The following TNN variants were observed in gnomAD, a reference collection of about 807,000 sequenced individuals.
The protein encoded by TNN is tenascin-N.
A neutral mutation model predicts 134.4 loss-of-function variants in TNN; 122 were observed. That is an observed-to-expected ratio of 0.91 (90% CI 0.78 to 1.06). The LOEUF (loss-of-function observed/expected upper bound fraction) is 1.06, where lower values mean the gene tolerates loss of function less well. Among genes scored for constraint, TNN ranks in the 50% least tolerant of loss-of-function variants. The pLI, the probability that TNN is intolerant of heterozygous loss-of-function variation, is 0.00. For missense variants in TNN, 1,739 were observed against 1,699.4 expected (o/e 1.02, Z -0.41); for synonymous variants, 710 against 670.3 (o/e 1.06, Z -0.91).
Position 175,103,909 on chromosome 1 carries a change from C to T in TNN, c.2119+5314C>T, listed in dbSNP as rs548348658. Among the ~76,000 whole-genome samples, 266 of 145,190 alleles carry T rather than the reference C, an allele frequency of 1.8e-3. 27 individuals carry two copies. The highest frequency in any genetic ancestry group is 3.0e-3 in the Non-Finnish European group (200 of 65,650). On this transcript the variant is annotated intron_variant, in intron 9 of 18. Coordinates refer to ENST00000239462, the MANE Select transcript of TNN (RefSeq NM_022093.2). ...TGTTTTTTTGCATTACGTGACTGTGCGGGCATTTTTTTGCCCTTCTAAATT... is the reference window on the plus strand; with the variant it reads ...TGTTTTTTTGCATTACGTGACTGTGTGGGCATTTTTTTGCCCTTCTAAATT...
intron 1 of TNN, among the ~76,000 whole-genome samples, chr1:175,073,908 G>C (rs1375211348): frequency 1.3e-5 from 2 of 152,136 alleles, no homozygotes; most frequent in South Asian, 2.1e-4. Context: ...CCTGCTGAAC[G>C]GTGGACCTGC....
At chr1:175,074,591 C>T (rs544739454) in intron 1 of TNN, among the ~76,000 whole-genome samples, 12 of 151,902 alleles carry the variant, frequency 7.9e-5, no homozygotes, top group African/African-American at 1.7e-4. Context: ...TTCCATCTGC[C>T]GGGTGTTGAG....
chr1:175,111,315 T>C (rs1675018193), intron 9 of TNN, among the ~76,000 whole-genome samples: 1 of 150,080 alleles, frequency 6.7e-6, no homozygotes, highest in South Asian at 2.1e-4. Context: ...TGAAACTCCG[T>C]CTCAAAACAA....
chr1:175,112,905 G>A (rs892774089), intron 9 of TNN, among the ~76,000 whole-genome samples: 6 of 152,074 alleles, frequency 3.9e-5, no homozygotes, highest in African/African-American at 1.4e-4. Flanking sequence ...TTACAGGCAT[G>A]AGCCCTATGC....
rs181514715 is a variant in TNN at position 175,135,132 on chromosome 1, C to T, written c.3331-713C>T. 3.8e-3 allele frequency among the ~76,000 whole-genome samples: 572 copies of T among 152,294 alleles called. 2 individuals are homozygous for T. The highest frequency in any genetic ancestry group is 6.8e-3 in the Admixed American group (104 of 15,290). On this transcript the variant is annotated intron_variant, in intron 15 of 18. Transcript: ENST00000239462. ...TGTCCTGGGGGTGGTTTCTTGGCTCCTTGGTCAGGTCCTCCTGTTTTATGC... is the reference window on the plus strand; with the variant it reads ...TGTCCTGGGGGTGGTTTCTTGGCTCTTTGGTCAGGTCCTCCTGTTTTATGC...
intron 6 of TNN, 50 bp downstream of exon 6, chr1:175,085,544 CAT>C: frequency 7.7e-7 from 1 of 1,301,156 alleles, no homozygotes; most frequent in Non-Finnish European, 1.1e-6. Flanking sequence ...TTTGCATTCT[CAT>C]ATTTTTCTTG....
intron 4 of TNN, among the ~76,000 whole-genome samples, chr1:175,080,639 G>A (rs1038714212): frequency 1.3e-5 from 2 of 152,080 alleles, no homozygotes; most frequent in Non-Finnish European, 2.9e-5. Flanking sequence ...GCTAGATGGG[G>A]GCTCATGGGG....
intron 18 of TNN, among the ~76,000 whole-genome samples, 162 bp from the exon 19 acceptor site, chr1:175,146,769 C>G (rs916597709): frequency 3.9e-5 from 6 of 152,036 alleles, no homozygotes; most frequent in East Asian, 1.9e-4. Context: ...GGATCCTGCC[C>G]TCCCCTCCCT....
intron 18 of TNN, among the ~76,000 whole-genome samples, chr1:175,145,552 CAAAAAAAAAAA>C (rs3028580): frequency 3.5e-5 from 1 of 28,910 alleles, no homozygotes; most frequent in East Asian, 1.0e-3. Flanking sequence ...GACCCTGTCT[CAAAAAAAAAAA>C]AAAAAAAAAA....
intron 15 of TNN, among the ~76,000 whole-genome samples, chr1:175,130,661 G>T (rs1289987377): frequency 6.6e-6 from 1 of 152,150 alleles, no homozygotes; most frequent in African/African-American, 2.4e-5. Context: ...CAGTCTGTCT[G>T]CCCTGGAATA....
chr1:175,077,750 G>A lies in TNN; in HGVS notation c.332G>A (p.Arg111Gln), dbSNP rs201940821. 1.1e-4 allele frequency: 180 copies of A among 1,614,194 alleles called. No homozygotes were observed. Among genetic ancestry groups the A allele is most frequent in the Middle Eastern group, 1.6e-4 (1 of 6,062 alleles). Reference sequence around the variant, plus strand: ...GGCAGTGTCCAGGACCTCCTGGCCCGGGTGAAGAAGCTGGAGGAAGAGATG... The same window carrying A: ...GGCAGTGTCCAGGACCTCCTGGCCCAGGTGAAGAAGCTGGAGGAAGAGATG... ...LAGSVQDLLARVKKLEEEMVE... is the reference protein window; with the variant it reads ...LAGSVQDLLAQVKKLEEEMVE... Residue 111 changes from arginine to glutamine, a missense_variant, in exon 2 of 19, where the codon CGG becomes CAG. Arg to Gln is a conservative substitution (Grantham distance 43). Transcript: ENST00000239462.
At chr1:175,095,102 T>C (rs938566785) in intron 7 of TNN, among the ~76,000 whole-genome samples, 3 of 152,222 alleles carry the variant, frequency 2.0e-5, no homozygotes, top group Non-Finnish European at 4.4e-5. Context: ...ATGGCACAAG[T>C]GAGAGCAATG....
At chr1:175,070,597 A>G (rs1673891409) in intron 1 of TNN, among the ~76,000 whole-genome samples, 1 of 152,176 alleles carries the variant, frequency 6.6e-6, no homozygotes, top group Admixed American at 6.5e-5. Flanking sequence ...CCAAATTTCC[A>G]TTCTCTTCCA....
chr1:175,125,717 CTT>C (rs1558369366), intron 12 of TNN, among the ~76,000 whole-genome samples: 33 of 77,070 alleles, frequency 4.3e-4, no homozygotes, highest in African/African-American at 2.2e-3. Context: ...TTCTTTCTTT[CTT>C]TCTTTCTTTC....
At chr1:175,136,058 G>A (rs1675801796) in intron 16 of TNN, 117 bp downstream of exon 16, 1 of 735,366 alleles carries the variant, frequency 1.4e-6, no homozygotes, top group Admixed American at 2.1e-5. Flanking sequence ...GTGGCAGGGA[G>A]ACAGAGGACT....
intron 11 of TNN, among the ~76,000 whole-genome samples, chr1:175,122,683 A>G (rs1055731300): frequency 1.3e-5 from 2 of 152,242 alleles, no homozygotes; most frequent in Non-Finnish European, 2.9e-5. Context: ...GCATAGAAAG[A>G]TGCAAACAGG....
chr1:175,127,027 C>A lies in TNN; in HGVS notation c.2987C>A (p.Pro996His), dbSNP rs773718673. The A allele has an allele frequency of 8.0e-5, 129 of 1,614,178 alleles. No individual in the cohort carries two copies. The highest frequency in any genetic ancestry group is 5.5e-4 in the South Asian group (50 of 91,084). ...GGTGGCATATTGACCTGGACGCCCC[C>A]CTCTGCTCAGATCCACGGCTACATT... The part of the protein sequence containing the change: ...QSGGILTWTP[P>H]SAQIHGYILT... Residue 996 changes from proline to histidine, a missense_variant, in exon 13 of 19, where the codon CCC becomes CAC. Physicochemically the swap from Pro to His is moderately conservative, Grantham distance 77. Coordinates refer to ENST00000239462, the MANE Select transcript of TNN (RefSeq NM_022093.2).
chr1:175,125,917 CT>C (rs2101842669), intron 12 of TNN, among the ~76,000 whole-genome samples: 2 of 144,440 alleles, frequency 1.4e-5, no homozygotes, highest in South Asian at 4.5e-4. Flanking sequence ...CTCTCTCTCT[CT>C]TCTCTTTCTT....
intron 15 of TNN, among the ~76,000 whole-genome samples, chr1:175,129,752 A>T (rs933719768): frequency 6.6e-5 from 10 of 152,036 alleles, no homozygotes; most frequent in African/African-American, 2.4e-4. Context: ...CAGCCTCCTA[A>T]TCATTGGTCT....
Sources: allele counts gnomAD v4.1 joint callset (sites outside exome capture counted in the v4.1 genomes callset), GRCh38; gene constraint gnomAD v4.1.1; transcripts MANE v1.5; gene names NCBI Gene and HGNC (gene_info 2026-07-23, HGNC 2026-07-21).